The following MAST4 variants were observed in gnomAD, a reference collection of about 807,000 sequenced individuals.
MAST4 encodes microtubule associated serine/threonine kinase family member 4, also known as microtubule-associated serine/threonine-protein kinase 4.
Under a neutral mutation model 162.7 loss-of-function variants are expected in MAST4, and 89 were observed. The ratio of observed to expected loss-of-function variants is 0.55; its 90% CI spans 0.46 to 0.65. The LOEUF (loss-of-function observed/expected upper bound fraction) is 0.65. Ranked by LOEUF, MAST4 falls within the 30% of genes least tolerant of loss-of-function variation. The pLI, the probability that MAST4 is intolerant of heterozygous loss-of-function variation, is 0.00. For missense variants in MAST4, 3,153 were observed against 3,374.0 expected, an observed-to-expected ratio of 0.93 and a Z score of 1.62; for synonymous variants, 1,479 against 1,361.1, an observed-to-expected ratio of 1.09 and a Z score of -1.91.
chr5:67,011,199 T>G (rs1475786264), intron 4 of MAST4, among the ~76,000 whole-genome samples: 1 of 152,136 alleles, frequency 6.6e-6, no homozygotes, highest in African/African-American at 2.4e-5. Flanking sequence ...ACACCACCTC[T>G]TGCTCTCCTC....
intron 3 of MAST4, among the ~76,000 whole-genome samples, chr5:66,800,931 AC>A (rs1561340391): frequency 6.6e-6 from 1 of 152,122 alleles, no homozygotes; most frequent in East Asian, 1.9e-4. Flanking sequence ...GTATACTACT[AC>A]CACACTACCT....
In MAST4 at chr5:67,165,714, C is replaced by T. The variant is rs1773836856; in HGVS notation, c.6535C>T (p.Pro2179Ser). ...AGAGCCCAGCTCGAGCCCCCAGGAC[C>T]CTCCCAAGCCTGTTGCTGCGCACAG... ...TAEPSSSPQD[P>S]PKPVAAHSES... The change falls in exon 29 of 29, where the codon CCT becomes TCT. Residue 2179 changes from proline to serine, a missense_variant. Physicochemically the swap from Pro to Ser is moderately conservative, Grantham distance 74. Coordinates refer to ENST00000403625, the MANE Select transcript of MAST4 (RefSeq NM_001164664.2). 1.3e-6 allele frequency: 2 copies of T among 1,576,046 alleles called. No homozygotes were observed. Among genetic ancestry groups the T allele is most frequent in the Admixed American group, 3.7e-5 (2 of 53,440 alleles).
chr5:66,607,094 G>A (rs574448499), intron 1 of MAST4, among the ~76,000 whole-genome samples: 1 of 152,284 alleles, frequency 6.6e-6, no homozygotes, highest in South Asian at 2.1e-4. Flanking sequence ...CAAGTGAGGA[G>A]GAGAATAGTA....
intron 3 of MAST4, among the ~76,000 whole-genome samples, chr5:66,896,860 A>T (rs1431652255): frequency 3.9e-5 from 6 of 152,162 alleles, no homozygotes; most frequent in Admixed American, 3.9e-4. Flanking sequence ...CCTGGATTGG[A>T]GGGATCTTTT....
At chr5:66,984,522 A>G (rs565908718) in intron 4 of MAST4, among the ~76,000 whole-genome samples, 1 of 152,348 alleles carries the variant, frequency 6.6e-6, no homozygotes, top group South Asian at 2.1e-4. Flanking sequence ...ACATAGGTAT[A>G]CGTGGAAAAC....
intron 4 of MAST4, among the ~76,000 whole-genome samples, chr5:66,950,390 A>G (rs1280162400): frequency 2.0e-5 from 3 of 152,008 alleles, no homozygotes; most frequent in African/African-American, 7.2e-5. Context: ...ATCTTTCCCA[A>G]CTGAAACTTT....
chr5:66,881,615 A>G (rs1442333732), intron 3 of MAST4, among the ~76,000 whole-genome samples: 2 of 152,222 alleles, frequency 1.3e-5, no homozygotes, highest in African/African-American at 4.8e-5. Context: ...CCCAGTCATC[A>G]GAGTTGTGCT....
At chr5:66,751,128 C>A (rs1158136525) in intron 1 of MAST4, among the ~76,000 whole-genome samples, 2 of 152,030 alleles carry the variant, frequency 1.3e-5, no homozygotes, top group Non-Finnish European at 2.9e-5. Context: ...AGGACATCCA[C>A]ACCCAAAACC....
At chr5:66,650,087 A>G (rs749999620) in intron 1 of MAST4, among the ~76,000 whole-genome samples, 126 of 152,260 alleles carry the variant, frequency 8.3e-4, no homozygotes, top group Non-Finnish European at 1.5e-3. Context: ...ATAATGTTGA[A>G]TAACACTGTC....
intron 21 of MAST4, chr5:67,143,050 CAG>C (rs1417161629): frequency 3.3e-5 from 5 of 152,582 alleles, no homozygotes; most frequent in Non-Finnish European, 7.3e-5. Flanking sequence ...AGGGATTACA[CAG>C]AGTACAACAA....
chr5:67,125,484 C>G (rs183782861), intron 14 of MAST4, among the ~76,000 whole-genome samples: 1 of 151,926 alleles, frequency 6.6e-6, no homozygotes, highest in African/African-American at 2.4e-5. Flanking sequence ...CTTCTACTTA[C>G]GAGTGAGAAC....
intron 4 of MAST4, among the ~76,000 whole-genome samples, chr5:67,033,313 C>CTGTGTGTGTG (rs1360368682): frequency 4.3e-5 from 3 of 70,240 alleles, no homozygotes; most frequent in Non-Finnish European, 7.6e-5. Context: ...GTTTTCATTT[C>CTGTGTGTGTG]TCTGTGTGTG....
chr5:67,155,028 C>T (rs79384050), intron 26 of MAST4, among the ~76,000 whole-genome samples: 3,479 of 152,294 alleles, frequency 0.023, 57 homozygotes, highest in Non-Finnish European at 0.031. Context: ...TACGGAATGT[C>T]ATGGCAGTCT....
At chr5:66,933,275 A>T (rs1324335589) in intron 4 of MAST4, among the ~76,000 whole-genome samples, 1 of 152,172 alleles carries the variant, frequency 6.6e-6, no homozygotes, top group Non-Finnish European at 1.5e-5. Flanking sequence ...AACTGTTTTC[A>T]TAATTTGACT....
At chr5:66,648,077 T>C (rs1209365999) in intron 1 of MAST4, among the ~76,000 whole-genome samples, 1 of 99,000 alleles carries the variant, frequency 1.0e-5, no homozygotes, top group African/African-American at 4.7e-5. Context: ...TGTGTGTGTG[T>C]GTGTGTGAGA....
At chr5:66,773,441 C>T (rs1321265895) in intron 2 of MAST4, among the ~76,000 whole-genome samples, 1 of 152,216 alleles carries the variant, frequency 6.6e-6, no homozygotes, top group Non-Finnish European at 1.5e-5. Flanking sequence ...TAAGTCCCCT[C>T]CTTGCATTTA....
chr5:67,123,683 C>T (rs1316231085), intron 14 of MAST4, among the ~76,000 whole-genome samples: 1 of 152,088 alleles, frequency 6.6e-6, no homozygotes, highest in Non-Finnish European at 1.5e-5. Context: ...AACACTTCCA[C>T]CAGGATCTTT....
At chr5:66,721,545 C>A (rs1350748110) in intron 1 of MAST4, among the ~76,000 whole-genome samples, 1 of 151,378 alleles carries the variant, frequency 6.6e-6, no homozygotes, top group East Asian at 1.9e-4. Flanking sequence ...TCTCCTTGAC[C>A]TCTTAATGTT....
intron 5 of MAST4, among the ~76,000 whole-genome samples, chr5:67,074,931 A>G (rs1011257155): frequency 6.6e-6 from 1 of 152,168 alleles, no homozygotes; most frequent in Non-Finnish European, 1.5e-5. Flanking sequence ...ATTCATGTGC[A>G]TATTGCTTTC....
Sources: allele counts gnomAD v4.1 joint callset (sites outside exome capture counted in the v4.1 genomes callset), GRCh38; gene constraint gnomAD v4.1.1; transcripts MANE v1.5; gene names NCBI Gene and HGNC (gene_info 2026-07-23, HGNC 2026-07-21).